BRK1: variants seen among roughly 807,000 people sequenced by gnomAD.
BRK1 encodes protein BRICK1.
In BRK1, 6 loss-of-function variants were observed where a neutral mutation model predicts 9.9. That is an observed-to-expected ratio of 0.60 (90% CI 0.33 to 1.19). BRK1 has a LOEUF of 1.19. Among genes scored for constraint, BRK1 ranks in the 50% most tolerant of loss-of-function variants. The pLI is 0.04. For synonymous variants in BRK1, 44 were observed against 31.9 expected (o/e 1.38, Z -1.28); for missense variants, 62 against 97.5 (o/e 0.64, Z 1.53).
In BRK1 at chr3:10,125,614, T is replaced by TC. The variant is rs754355310; in HGVS notation, c.119-11dup. On this transcript the variant is annotated splice_polypyrimidine_tract_variant and intron_variant, in intron 1 of 2. Coordinates refer to ENST00000530758, the MANE Select transcript of BRK1 (RefSeq NM_018462.5). The stretch of plus-strand genomic sequence containing the variant: ...GTGACATTAATCCTGAACACCAGTC[T>TC]CTTTTTCTCAGATATGTCTTGTCGT... 7 of 1,588,672 alleles carry TC rather than the reference T, an allele frequency of 4.4e-6. No individual in the cohort carries two copies. The East Asian group carries it at 1.6e-4, about 36-fold the overall frequency.
At chr3:10,124,149 C>T (rs2125118696) in intron 1 of BRK1, among the ~76,000 whole-genome samples, 1 of 152,102 alleles carries the variant, frequency 6.6e-6, no homozygotes, top group East Asian at 1.9e-4. Flanking sequence ...ATTTGCTATT[C>T]CTGGCATAAC....
intron 1 of BRK1, among the ~76,000 whole-genome samples, chr3:10,116,971 A>C (rs1304169718): frequency 1.3e-5 from 2 of 152,212 alleles, no homozygotes; most frequent in Non-Finnish European, 2.9e-5. Context: ...GGCTGAGTTC[A>C]ATGGCTTATG....
At chr3:10,125,865 T>C (rs1695832871) in intron 2 of BRK1, among the ~76,000 whole-genome samples, 157 bp downstream of exon 2, 1 of 151,800 alleles carries the variant, frequency 6.6e-6, no homozygotes, top group African/African-American at 2.4e-5. Context: ...CCAAGACAGG[T>C]GGATCACTTG....
intron 2 of BRK1, 151 bp from the exon 3 acceptor site, chr3:10,126,118 G>C (rs1695836405): frequency 1.7e-6 from 1 of 573,540 alleles, no homozygotes; most frequent in Non-Finnish European, 3.0e-6. Context: ...GAAAAGTTAA[G>C]CATGTTGCCT....
chr3:10,120,482 A>C (rs1016456280), intron 1 of BRK1, among the ~76,000 whole-genome samples: 18 of 152,166 alleles, frequency 1.2e-4, no homozygotes, highest in Non-Finnish European at 2.6e-4. Flanking sequence ...GGTGTGAACC[A>C]CCGTGCCCGG....
At chr3:10,116,596 C>T (rs934385060) in intron 1 of BRK1, among the ~76,000 whole-genome samples, 4 of 152,070 alleles carry the variant, frequency 2.6e-5, no homozygotes, top group Non-Finnish European at 5.9e-5. Context: ...AGATTCCTAC[C>T]CCTTCTTCTC....
intron 2 of BRK1, 92 bp from the exon 3 acceptor site, chr3:10,126,177 A>C: frequency 1.2e-6 from 1 of 829,348 alleles, no homozygotes; most frequent in Non-Finnish European, 1.8e-6. Context: ...CTTTTCTGCT[A>C]TTTCTCACTG....
chr3:10,118,252 C>CA (rs59622736), intron 1 of BRK1, among the ~76,000 whole-genome samples: 836 of 67,190 alleles, frequency 0.012, 10 homozygotes, highest in Non-Finnish European at 0.018. Flanking sequence ...ACTCTGTCTC[C>CA]AAAAAAAAAA....
At chr3:10,117,063 C>G (rs1183542375) in intron 1 of BRK1, among the ~76,000 whole-genome samples, 1 of 152,098 alleles carries the variant, frequency 6.6e-6, no homozygotes, top group African/African-American at 2.4e-5. Flanking sequence ...AGCAACATGA[C>G]CAGATCCTAT....
intron 1 of BRK1, among the ~76,000 whole-genome samples, chr3:10,118,090 C>G (rs530537331): frequency 6.2e-4 from 94 of 152,024 alleles, no homozygotes; most frequent in African/African-American, 2.2e-3. Context: ...CCTGTCTCTA[C>G]TAAAAATACA....
rs896323536 is a variant in BRK1, at chr3:10,123,290, G to A, written c.119-2336G>A. Among the ~76,000 whole-genome samples the A allele has an allele frequency of 3.3e-5, 5 of 152,200 alleles. No individual in the cohort carries two copies. In the East Asian group the frequency reaches 7.7e-4, roughly 23 times the overall value. On this transcript the variant is annotated intron_variant, in intron 1 of 2. Transcript: ENST00000530758. ...TCACAGATGGAATGTGGGCTTTATC[G>A]GGTATTTGATGCTCTCCAACTTTTC...
At chr3:10,122,787 A>G (rs1465681131) in intron 1 of BRK1, among the ~76,000 whole-genome samples, 2 of 152,204 alleles carry the variant, frequency 1.3e-5, no homozygotes, top group African/African-American at 4.8e-5. Flanking sequence ...TATTATGTCC[A>G]TCTGGCAAGA....
chr3:10,117,325 A>G (rs1695697920), intron 1 of BRK1, among the ~76,000 whole-genome samples: 1 of 151,924 alleles, frequency 6.6e-6, no homozygotes, highest in Admixed American at 6.6e-5. Context: ...TTTTATGTCT[A>G]ATTTGTAAGA....
intron 1 of BRK1, among the ~76,000 whole-genome samples, chr3:10,123,438 C>CTTTTTTTTTTT (rs869148224): frequency 1.5e-5 from 2 of 136,016 alleles, no homozygotes; most frequent in African/African-American, 2.8e-5. Context: ...ACTTTCTTTC[C>CTTTTTTTTTTT]TTTTTTTTTT....
chr3:10,115,766 T>C lies in BRK1; in HGVS notation c.65T>C (p.Ile22Thr). 1.9e-6 allele frequency: 3 copies of C among 1,611,698 alleles called. No homozygotes were observed. Among genetic ancestry groups the C allele is most frequent in the Non-Finnish European group, 8.5e-7 (1 of 1,178,632 alleles). ...CAGGACTGGGCTAACCGGGAGTACA[T>C]TGAGATAATCACCAGCAGCATCAAG... is the stretch of plus-strand genomic sequence containing the variant. The part of the protein sequence containing the change: ...IHQDWANREY[I>T]EIITSSIKKI... Residue 22 changes from isoleucine (I) to threonine (T), a missense_variant, in exon 1 of 3, where the codon ATT (isoleucine) becomes ACT (threonine). Coordinates refer to ENST00000530758, the MANE Select transcript of BRK1 (RefSeq NM_018462.5).
At chr3:10,116,078 A>T (rs1007214793) in intron 1 of BRK1, among the ~76,000 whole-genome samples, 3 of 152,008 alleles carry the variant, frequency 2.0e-5, no homozygotes, top group Non-Finnish European at 4.4e-5. Context: ...TCCTTCTCCT[A>T]GACGCGTCAG....
rs1575910268 is a variant in BRK1 at position 10,126,495 on chromosome 3, T to C, written c.*200T>C. 2.1e-6 allele frequency: 1 copy of C among 485,520 alleles called. No homozygotes were observed. The highest frequency in any genetic ancestry group is 3.8e-5 in the Admixed American group (1 of 26,216). The allele number at this position is 485,520 out of a possible 1,614,324, so 30.1% of individuals were successfully genotyped here. A position where few individuals can be genotyped will look rare whatever the true frequency, so the allele number is the denominator to read the frequency against. The stretch of plus-strand genomic sequence containing the variant: ...TGTGGGAAGAAGTTCAGAGGAACCG[T>C]TGGAAACGACGTTAGGCATTTTACC... On this transcript the variant is annotated 3_prime_UTR_variant, in exon 3 of 3. Coordinates refer to ENST00000530758, the MANE Select transcript of BRK1 (RefSeq NM_018462.5).
chr3:10,125,897 C>T (rs1202770646), intron 2 of BRK1, among the ~76,000 whole-genome samples, 189 bp downstream of exon 2: 1 of 152,114 alleles, frequency 6.6e-6, no homozygotes, highest in Admixed American at 6.6e-5. Flanking sequence ...TCGAGTCCAG[C>T]CTGGCCAACA....
At chr3:10,122,071 T>C (rs1695764934) in intron 1 of BRK1, among the ~76,000 whole-genome samples, 1 of 149,014 alleles carries the variant, frequency 6.7e-6, no homozygotes, top group Admixed American at 6.7e-5. Context: ...GTATTTTTAG[T>C]AGAGACAGGA....
Sources: allele counts gnomAD v4.1 joint callset (sites outside exome capture counted in the v4.1 genomes callset), GRCh38; gene constraint gnomAD v4.1.1; transcripts MANE v1.5; gene names NCBI Gene and HGNC (gene_info 2026-07-23, HGNC 2026-07-21).